The following COL12A1 variants were observed in gnomAD, a reference collection of about 807,000 sequenced individuals.
COL12A1 encodes the protein collagen alpha-1(XII) chain.
COL12A1 carries 114 observed loss-of-function variants against 349.7 expected under a neutral mutation model. The ratio of observed to expected loss-of-function variants is 0.33; its 90% confidence interval spans 0.28 to 0.38. The LOEUF (loss-of-function observed/expected upper bound fraction) is 0.38. Among genes scored for constraint, COL12A1 ranks in the 10% least tolerant of loss-of-function variants. The pLI, the probability that COL12A1 is intolerant of heterozygous loss-of-function variation, is 1.00. For synonymous variants in COL12A1, 1,369 were observed against 1,329.0 expected (o/e 1.03, Z -0.66); for missense variants, 3,284 against 3,756.9 (o/e 0.87, Z 3.29).
intron 38 of COL12A1, 37 bp from the exon 39 acceptor site, chr6:75,126,507 A>G (rs1766025004): frequency 6.3e-7 from 1 of 1,592,066 alleles, no homozygotes; most frequent in Non-Finnish European, 8.6e-7. Context: ...CTGACCTTTT[A>G]TTGGCACACA....
In COL12A1 at chr6:75,177,770, C is replaced by T. The variant is rs779132939; in HGVS notation, c.2330G>A (p.Arg777Lys). ...GTCTGGAATCAAGTTCTCCAGTGTT[C>T]TCCTCCTCTGATTGGGTGGGGTGGT... Reference protein sequence around the residue: ...EVTTPPNQRRRTLENLIPDTK... With the variant: ...EVTTPPNQRRKTLENLIPDTK... The change falls in exon 12 of 66, where the codon AGA becomes AAA. Residue 777 changes from arginine to lysine, a missense_variant. By Grantham distance (26) the Arg-to-Lys change is conservative. This residue lies in a region of COL12A1 where 2,601 missense variants were observed against 2,824.8 expected (regional missense o/e 0.92). Coordinates refer to ENST00000322507, the MANE Select transcript of COL12A1 (RefSeq NM_004370.6). The T allele has an allele frequency of 7.4e-6, 12 of 1,614,096 alleles. No homozygotes were observed. Among genetic ancestry groups the T allele is most frequent in the Non-Finnish European group, 1.0e-5 (12 of 1,180,016 alleles).
Position 75,191,761 on chromosome 6 carries a change from C to G in COL12A1, c.335-1G>C, listed in dbSNP as rs779800232. 1.9e-6 allele frequency: 3 copies of G among 1,588,088 alleles called. No homozygotes were observed. The highest frequency in any genetic ancestry group is 1.7e-4 in the Middle Eastern group (1 of 5,974). On this transcript the variant is annotated splice_acceptor_variant, in intron 4 of 65. Transcript: ENST00000322507. LOFTEE classifies it high-confidence loss of function. ...GGCTTTGTCGAACTACCTGTTTGAA[C>G]TAAGTTAAAACTTTATTATTACAAA... is the stretch of plus-strand genomic sequence containing the variant.
intron 14 of COL12A1, among the ~76,000 whole-genome samples, chr6:75,162,265 A>T (rs573667336): frequency 1.3e-4 from 20 of 152,236 alleles, no homozygotes; most frequent in Admixed American, 2.6e-4. Flanking sequence ...AGAAGGCTAC[A>T]GTAACAAAAA....
At chr6:75,185,028 C>G (rs1203869714) in intron 8 of COL12A1, among the ~76,000 whole-genome samples, 1 of 152,158 alleles carries the variant, frequency 6.6e-6, no homozygotes, top group Non-Finnish European at 1.5e-5. Context: ...ACTGAATAGG[C>G]AAAAGCTGGA....
Position 75,151,204 on chromosome 6 carries a change from CAA to C in COL12A1, c.4082_4083del (p.Phe1361Ter). The C allele has an allele frequency of 6.2e-7, 1 of 1,613,496 alleles. No homozygotes were observed. Among genetic ancestry groups the C allele is most frequent in the Non-Finnish European group, 8.5e-7 (1 of 1,179,598 alleles). On this transcript the variant is annotated frameshift_variant, in exon 21 of 66. Transcript: ENST00000322507. LOFTEE classifies it high-confidence loss of function. ...DDTHAYNVAD[F>X]ESLSRIVDDL... ...TCATCCACTATCCTGGAGAGTGACT[CAA>C]AATCTGCCACATTGTATGCATGGGT...
chr6:75,109,258 T>C, intron 51 of COL12A1, 91 bp from the exon 52 acceptor site: 2 of 882,904 alleles, frequency 2.3e-6, no homozygotes, highest in Non-Finnish European at 3.3e-6. Context: ...TTTGAAGTTT[T>C]TTAAGCTATT....
chr6:75,177,874 A>G lies in COL12A1; in HGVS notation c.2226T>C (p.Thr742=). 2 of 1,613,738 alleles carry G rather than the reference A, an allele frequency of 1.2e-6. No individual in the cohort carries two copies. The highest frequency in any genetic ancestry group is 1.7e-5 in the Admixed American group (1 of 60,012). ...AAACTCTCCCTGGAGCTTGAGTCCA[A>G]GTAATTTTGAAACTATCTGTAGTCT... ...TDETTDSFKI[T]WTQAPGRVLR... Residue 742 remains threonine (T), a synonymous_variant, in exon 12 of 66, where the codon ACT becomes ACC. Transcript: ENST00000322507.
intron 10 of COL12A1, among the ~76,000 whole-genome samples, 183 bp from the exon 11 acceptor site, chr6:75,181,394 C>T (rs1434636891): frequency 6.6e-6 from 1 of 152,144 alleles, no homozygotes; most frequent in Non-Finnish European, 1.5e-5. Context: ...CAACTTACAA[C>T]CCAACAAGAG....
chr6:75,167,865 C>T (rs545620499), intron 13 of COL12A1, among the ~76,000 whole-genome samples: 1 of 152,246 alleles, frequency 6.6e-6, no homozygotes, highest in East Asian at 1.9e-4. Flanking sequence ...TATCGATATC[C>T]TGAAAATAAT....
At chr6:75,128,709 T>A (rs1482072728) in intron 37 of COL12A1, among the ~76,000 whole-genome samples, 1 of 152,204 alleles carries the variant, frequency 6.6e-6, no homozygotes, top group Non-Finnish European at 1.5e-5. Flanking sequence ...CAATGCCATG[T>A]GTGCTTCAGA....
At chr6:75,109,213 A>T (rs1163585723) in intron 51 of COL12A1, 46 bp from the exon 52 acceptor site, 16 of 1,389,146 alleles carry the variant, frequency 1.2e-5, no homozygotes, top group East Asian at 7.1e-5. Flanking sequence ...ACACTAAAAA[A>T]ATTAGCTGAC....
chr6:75,125,150 G>A lies in COL12A1; in HGVS notation c.6584C>T (p.Pro2195Leu), dbSNP rs1378279745. The A allele has an allele frequency of 5.0e-6, 8 of 1,610,824 alleles. No individual in the cohort carries two copies. Among genetic ancestry groups the A allele is most frequent in the Non-Finnish European group, 6.8e-6 (8 of 1,178,352 alleles). Residue 2195 changes from proline (P) to leucine (L), a missense_variant, in exon 40 of 66, where the codon CCC becomes CTC. By Grantham distance (98) the Pro-to-Leu change is moderately conservative. Around this residue, in one of 2 missense-constraint regions of COL12A1, gnomAD observed 2,601 missense variants for 2,824.8 expected, o/e 0.92. Coordinates refer to ENST00000322507, the MANE Select transcript of COL12A1 (RefSeq NM_004370.6). ...YAQYDSGLSV[P>L]LTDQGTTLYL... ...ACATGTAGTGCCTTGATCTGTCAAG[G>A]GGACACTGAGTCCAGAATCATATTG...
At chr6:75,087,875 A>C (rs1235229441) in intron 64 of COL12A1, 128 bp from the exon 65 acceptor site, 2 of 1,007,756 alleles carry the variant, frequency 2.0e-6, no homozygotes, top group Non-Finnish European at 2.9e-6. Context: ...TGGTAAGAAA[A>C]TGTTTCCTTA....
rs1357446459 is a variant in COL12A1 at position 75,156,348 on chromosome 6, C to A, written c.3159G>T (p.Lys1053Asn). 6.2e-7 allele frequency: 1 copy of A among 1,613,806 alleles called. No individual in the cohort carries two copies. The highest frequency in any genetic ancestry group is 1.3e-5 in the African/African-American group (1 of 74,906). Residue 1053 changes from lysine (K) to asparagine (N), a missense_variant, in exon 15 of 66, where the codon AAG becomes AAT. By Grantham distance (94) the Lys-to-Asn change is moderately conservative. Around this residue, in one of 2 missense-constraint regions of COL12A1, gnomAD observed 2,601 missense variants for 2,824.8 expected, o/e 0.92. Transcript: ENST00000322507. ...VPPTVTSTVL[K>N]RLQPQTTYDI... Reference sequence around the variant, plus strand: ...CATATGTGGTCTGTGGCTGAAGTCGCTTTAACACTGTCGAAGTGACTGTGG... The same window carrying A: ...CATATGTGGTCTGTGGCTGAAGTCGATTTAACACTGTCGAAGTGACTGTGG...
In COL12A1 at chr6:75,130,084, G is replaced by A; in HGVS notation, c.6210+7C>T. ...AAAATGTGCCAATAAATGAGTATCA[G>A]ACTTACATATTCATCAATTGGATCA... On this transcript the variant is annotated splice_region_variant and intron_variant, in intron 37 of 65. Transcript: ENST00000322507. The A allele has an allele frequency of 6.2e-7, 1 of 1,612,238 alleles. No homozygotes were observed. The highest frequency in any genetic ancestry group is 1.7e-5 in the Admixed American group (1 of 59,446).
rs1769408048 is a variant in COL12A1, at chr6:75,183,153, C to T, written c.1788G>A (p.Val596=). 6.2e-7 allele frequency: 1 copy of T among 1,614,120 alleles called. No homozygotes were observed. Among genetic ancestry groups the T allele is most frequent in the Non-Finnish European group, 8.5e-7 (1 of 1,180,026 alleles). ...AIASPPAETH[V]FTVEDFDAFQ... Reference sequence around the variant, plus strand: ...AAGCATCAAAATCTTCCACTGTGAACACATGGGTCTCTGCAGGAGGAGAGG... The same window carrying T: ...AAGCATCAAAATCTTCCACTGTGAATACATGGGTCTCTGCAGGAGGAGAGG... The change falls in exon 10 of 66, where the codon GTG becomes GTA. Residue 596 remains valine, a synonymous_variant. Transcript: ENST00000322507.
At chr6:75,114,102 T>C (rs1361877591) in intron 49 of COL12A1, among the ~76,000 whole-genome samples, 3 of 151,922 alleles carry the variant, frequency 2.0e-5, no homozygotes, top group African/African-American at 4.8e-5. Context: ...AATTATATGA[T>C]AATTTTAGAA....
chr6:75,113,370 A>AT (rs1768929147), intron 50 of COL12A1, 57 bp from the exon 51 acceptor site: 1 of 1,148,422 alleles, frequency 8.7e-7, no homozygotes, highest in Non-Finnish European at 1.2e-6. Flanking sequence ...TTTTATTTAA[A>AT]GTATTAGCAA....
intron 44 of COL12A1, among the ~76,000 whole-genome samples, chr6:75,120,890 T>C (rs1430107107): frequency 6.6e-6 from 1 of 152,204 alleles, no homozygotes. Context: ...AAAGTAATGA[T>C]AGAGGCAGCA....
Sources: allele counts gnomAD v4.1 joint callset (sites outside exome capture counted in the v4.1 genomes callset), GRCh38; gene constraint gnomAD v4.1.1; regional missense constraint gnomAD v4.1.1; transcripts MANE v1.5; gene names NCBI Gene and HGNC (gene_info 2026-07-23, HGNC 2026-07-21).